The following DKK2 variants were observed in gnomAD, a reference collection of about 807,000 sequenced individuals.
DKK2 encodes dickkopf Wnt signaling pathway inhibitor 2, also known as dickkopf-related protein 2.
In DKK2, 11 loss-of-function variants were observed where a neutral mutation model predicts 28.1. The observed-to-expected ratio is 0.39, with a 90% CI of 0.25 to 0.65. The LOEUF is 0.65. DKK2 is among the 30% of genes least tolerant of loss of function. The pLI, the probability that DKK2 is intolerant of heterozygous loss-of-function variation, is 0.47. For synonymous variants in DKK2, 135 were observed against 126.5 expected (o/e 1.07, Z -0.45); for missense variants, 326 against 335.5 (o/e 0.97, Z 0.22).
intron 1 of DKK2, among the ~76,000 whole-genome samples, chr4:106,993,646 T>G (rs1723234157): frequency 6.6e-6 from 1 of 152,062 alleles, no homozygotes; most frequent in Admixed American, 6.6e-5. Context: ...GATCAAAAAG[T>G]AATCTCTCAA....
At chr4:106,984,480 T>A (rs1299838868) in intron 1 of DKK2, among the ~76,000 whole-genome samples, 1 of 152,240 alleles carries the variant, frequency 6.6e-6, no homozygotes, top group Non-Finnish European at 1.5e-5. Flanking sequence ...CAGCATAATG[T>A]TGTCAAGGTT....
At chr4:106,970,205 C>A (rs79889938) in intron 1 of DKK2, among the ~76,000 whole-genome samples, 1,673 of 152,084 alleles carry the variant, frequency 0.011, 25 homozygotes, top group African/African-American at 0.037. Context: ...TAAAGATTAA[C>A]TAAATTAAGG....
intron 1 of DKK2, among the ~76,000 whole-genome samples, chr4:106,989,938 CTTTAG>C (rs902871205): frequency 1.3e-5 from 2 of 151,944 alleles, no homozygotes; most frequent in Admixed American, 6.6e-5. Context: ...TTAAAAATAT[CTTTAG>C]TTTAACCCAA....
chr4:107,028,158 T>C (rs1466797736), intron 1 of DKK2, among the ~76,000 whole-genome samples: 3 of 143,866 alleles, frequency 2.1e-5, no homozygotes, highest in Non-Finnish European at 4.6e-5. Flanking sequence ...CAATACAACA[T>C]TGACTTATCC....
At chr4:106,977,639 A>G (rs1159862424) in intron 1 of DKK2, among the ~76,000 whole-genome samples, 1 of 152,064 alleles carries the variant, frequency 6.6e-6, no homozygotes, top group Non-Finnish European at 1.5e-5. Context: ...CAATTTCTCT[A>G]ACCTTTTTTC....
At chr4:106,960,045 C>T (rs752308369) in intron 1 of DKK2, among the ~76,000 whole-genome samples, 6 of 150,810 alleles carry the variant, frequency 4.0e-5, no homozygotes, top group East Asian at 1.9e-4. Flanking sequence ...TTTATTGAAG[C>T]GTGATTCACA....
Position 106,923,294 on chromosome 4 carries a change from CTGTT to C in DKK2, c.*656_*659del, listed in dbSNP as rs942496075. On this transcript the variant is annotated 3_prime_UTR_variant, in exon 4 of 4. Coordinates refer to ENST00000285311, the MANE Select transcript of DKK2 (RefSeq NM_014421.3). ...AATTTTGAAAAAAAAGTATTTGTGGCTGTTTGTTTGTTATTTATTTGTCTTCCTA... is the reference window on the plus strand; with the variant it reads ...AATTTTGAAAAAAAAGTATTTGTGGCTGTTTGTTATTTATTTGTCTTCCTA... The C allele has an allele frequency of 2.0e-5, 3 of 152,158 alleles. No homozygotes were observed. Among genetic ancestry groups the C allele is most frequent in the South Asian group, 4.2e-4 (2 of 4,818 alleles). The allele number at this position is 152,158 out of a possible 1,614,324, so 9.4% of individuals were successfully genotyped here.
Position 106,924,218 on chromosome 4 carries a change from GA to G in DKK2, c.530-15del, listed in dbSNP as rs748420380. The G allele has an allele frequency of 6.2e-7, 1 of 1,613,256 alleles. No homozygotes were observed. Among genetic ancestry groups the G allele is most frequent in the South Asian group, 1.1e-5 (1 of 91,006 alleles). On this transcript the variant is annotated splice_polypyrimidine_tract_variant and intron_variant, in intron 3 of 3. Coordinates refer to ENST00000285311, the MANE Select transcript of DKK2 (RefSeq NM_014421.3). ...CTCCTTCATGCCCTGCAGAGATGAT[GA>G]CCAATAGATGTTACCCTGACACTTC...
At chr4:107,023,780 G>T (rs963700908) in intron 1 of DKK2, among the ~76,000 whole-genome samples, 3 of 151,976 alleles carry the variant, frequency 2.0e-5, no homozygotes, top group Middle Eastern at 3.4e-3. Flanking sequence ...ACTATTTTTC[G>T]AAACTAAAAC....
At chr4:107,017,674 T>G (rs1158028806) in intron 1 of DKK2, among the ~76,000 whole-genome samples, 1 of 150,982 alleles carries the variant, frequency 6.6e-6, no homozygotes, top group East Asian at 1.9e-4. Context: ...GGCTCTGCAC[T>G]GAGAAATATT....
intron 1 of DKK2, among the ~76,000 whole-genome samples, chr4:107,007,208 T>G (rs1723450213): frequency 6.6e-6 from 1 of 152,156 alleles, no homozygotes; most frequent in African/African-American, 2.4e-5. Context: ...TTTTTAAACT[T>G]GTAAACTGAT....
chr4:106,987,957 C>T (rs1012045784), intron 1 of DKK2, among the ~76,000 whole-genome samples: 3 of 151,810 alleles, frequency 2.0e-5, no homozygotes, highest in East Asian at 1.9e-4. Context: ...TTCCGCCTCC[C>T]GGGTTCAAGC....
Position 106,949,770 on chromosome 4 carries a change from A to C in DKK2, c.223-23821T>G, listed in dbSNP as rs567664596. 7.9e-5 allele frequency among the ~76,000 whole-genome samples: 12 copies of C among 152,200 alleles called. 1 individual carries two copies. In the South Asian group the frequency reaches 2.5e-3, roughly 31 times the overall value. On this transcript the variant is annotated intron_variant, in intron 1 of 3. Transcript: ENST00000285311. ...CTTACCATAGCCCTGGATCTATTCT[A>C]TTTTTCATTAATCTATTTTTCTTTT...
intron 1 of DKK2, among the ~76,000 whole-genome samples, chr4:107,015,776 A>G (rs1035994093): frequency 2.6e-5 from 4 of 151,702 alleles, no homozygotes; most frequent in Admixed American, 6.6e-5. Flanking sequence ...TCAGTTAAAT[A>G]ACTGTCCTTT....
chr4:106,985,068 G>A (rs529394410), intron 1 of DKK2, among the ~76,000 whole-genome samples: 82 of 152,152 alleles, frequency 5.4e-4, no homozygotes, highest in African/African-American at 1.9e-3. Context: ...ATTTAGCTGG[G>A]TGAGGTGGCG....
chr4:106,967,902 G>A (rs1411383675), intron 1 of DKK2, among the ~76,000 whole-genome samples: 2 of 148,026 alleles, frequency 1.4e-5, no homozygotes, highest in African/African-American at 5.0e-5. Flanking sequence ...GGGAGGGAGA[G>A]GCAGGTTAAG....
At chr4:106,978,658 G>A (rs1722979176) in intron 1 of DKK2, among the ~76,000 whole-genome samples, 1 of 152,100 alleles carries the variant, frequency 6.6e-6, no homozygotes, top group Non-Finnish European at 1.5e-5. Context: ...TCAAACAATC[G>A]ATCTTAGCTT....
intron 1 of DKK2, 45 bp downstream of exon 1, chr4:107,035,325 C>T: frequency 6.2e-7 from 1 of 1,602,566 alleles, no homozygotes; most frequent in Non-Finnish European, 8.5e-7. Context: ...AGAGAGCTGG[C>T]CCCTGCCTCT....
chr4:107,029,754 T>C (rs1397295103), intron 1 of DKK2, among the ~76,000 whole-genome samples: 2 of 152,176 alleles, frequency 1.3e-5, no homozygotes, highest in South Asian at 4.1e-4. Context: ...ATTTGTTTTG[T>C]CATTTAATGT....
Sources: allele counts gnomAD v4.1 joint callset (sites outside exome capture counted in the v4.1 genomes callset), GRCh38; gene constraint gnomAD v4.1.1; transcripts MANE v1.5; gene names NCBI Gene and HGNC (gene_info 2026-07-23, HGNC 2026-07-21).